The following CHCHD6 variants were observed in gnomAD, a reference collection of about 807,000 sequenced individuals.
The protein encoded by CHCHD6 is coiled-coil-helix-coiled-coil-helix domain containing 6.
In CHCHD6, 28 loss-of-function variants were observed where a neutral mutation model predicts 32.3. That is an observed-to-expected ratio of 0.87 (90% confidence interval 0.64 to 1.19). The LOEUF is 1.19. Among genes scored for constraint, CHCHD6 ranks in the 50% most tolerant of loss-of-function variants. The probability of loss-of-function intolerance (pLI) is 0.00; values close to 1 mark genes in which losing one functional copy is unlikely to be tolerated. For synonymous variants in CHCHD6, 122 were observed against 117.5 expected, an observed-to-expected ratio of 1.04 and a Z score of -0.25; for missense variants, 333 against 307.0, an observed-to-expected ratio of 1.08 and a Z score of -0.63.
intron 4 of CHCHD6, among the ~76,000 whole-genome samples, chr3:126,751,524 A>AG (rs1553728626): frequency 5.5e-5 from 8 of 146,520 alleles, no homozygotes; most frequent in Admixed American, 1.4e-4. Context: ...AAAAAAAAAA[A>AG]GCGCCTGCAT....
In CHCHD6 at chr3:126,812,996, T is replaced by G. The variant is rs529646574; in HGVS notation, c.412-39651T>G. Among the ~76,000 whole-genome samples, 6 of 152,322 alleles carry G rather than the reference T, an allele frequency of 3.9e-5. No individual in the cohort carries two copies. In the South Asian group the frequency reaches 1.2e-3, roughly 32 times the overall value. ...TATGTATTATAAACCTGATTAAGTT[T>G]GTAAAAATGAAAGTTTATGAGTATT... On this transcript the variant is annotated intron_variant, in intron 4 of 7. Coordinates refer to ENST00000290913, the MANE Select transcript of CHCHD6 (RefSeq NM_032343.3).
At chr3:126,734,728 G>C (rs1192122495) in intron 4 of CHCHD6, among the ~76,000 whole-genome samples, 8 of 152,314 alleles carry the variant, frequency 5.3e-5, no homozygotes, top group South Asian at 4.1e-4. Context: ...ATCAGAGCTG[G>C]TAGATCAGAG....
At chr3:126,896,122 GGA>G (rs200598739) in intron 5 of CHCHD6, among the ~76,000 whole-genome samples, 4,610 of 152,290 alleles carry the variant, frequency 0.03, 98 homozygotes, top group Non-Finnish European at 0.039. Flanking sequence ...GAAGCTTTGA[GGA>G]GAGAGATGCT....
chr3:126,770,802 C>T (rs1307417360), intron 4 of CHCHD6, among the ~76,000 whole-genome samples: 1 of 152,164 alleles, frequency 6.6e-6, no homozygotes, highest in African/African-American at 2.4e-5. Flanking sequence ...TTTGTTGTGT[C>T]TCTGCCAGGT....
At chr3:126,948,880 T>C (rs574835746) in intron 6 of CHCHD6, among the ~76,000 whole-genome samples, 1 of 152,366 alleles carries the variant, frequency 6.6e-6, no homozygotes, top group South Asian at 2.1e-4. Context: ...CTTTATGTTC[T>C]CCCTGGAAGA....
At chr3:126,958,022 A>G (rs1352195057) in intron 7 of CHCHD6, 1 of 237,586 alleles carries the variant, frequency 4.2e-6, no homozygotes, top group Admixed American at 4.8e-5. Context: ...GAGCTGGTCT[A>G]CAGGGGTGTG....
intron 5 of CHCHD6, among the ~76,000 whole-genome samples, chr3:126,864,355 CCTCCTT>C (rs1274180734): frequency 1.3e-5 from 2 of 151,134 alleles, no homozygotes; most frequent in Non-Finnish European, 3.0e-5. Flanking sequence ...TCCCCCTCCT[CCTCCTT>C]CATCACCACC....
At chr3:126,858,316 G>A (rs1019895799) in intron 5 of CHCHD6, among the ~76,000 whole-genome samples, 1 of 140,730 alleles carries the variant, frequency 7.1e-6, no homozygotes, top group African/African-American at 2.6e-5. Context: ...GCGGGGGGGA[G>A]GGGTGGGTAA....
Position 126,704,307 on chromosome 3 carries a change from C to T in CHCHD6, c.-6C>T, listed in dbSNP as rs368488136. ...CTGGTGGCTGCCGGCCCTGCGGCAT[C>T]TCGCCATGGGGAGCACGGAGAGCAG... is the stretch of plus-strand genomic sequence containing the variant. On this transcript the variant is annotated 5_prime_UTR_variant, in exon 1 of 8. Transcript: ENST00000290913. The T allele has an allele frequency of 4.7e-5, 76 of 1,603,456 alleles. No individual in the cohort carries two copies. Among genetic ancestry groups the T allele is most frequent in the Non-Finnish European group, 6.3e-5 (74 of 1,177,366 alleles).
chr3:126,937,833 G>T (rs2078503892), intron 6 of CHCHD6, among the ~76,000 whole-genome samples: 1 of 152,086 alleles, frequency 6.6e-6, no homozygotes, highest in Non-Finnish European at 1.5e-5. Flanking sequence ...GAGGGTGTGG[G>T]GGGAGATAGT....
chr3:126,831,818 G>A (rs991096464), intron 4 of CHCHD6, among the ~76,000 whole-genome samples: 1 of 152,206 alleles, frequency 6.6e-6, no homozygotes, highest in African/African-American at 2.4e-5. Flanking sequence ...AGAAGAGTGT[G>A]TTTGGTTTAA....
At chr3:126,792,050 C>G (rs1938571047) in intron 4 of CHCHD6, among the ~76,000 whole-genome samples, 1 of 151,990 alleles carries the variant, frequency 6.6e-6, no homozygotes, top group East Asian at 1.9e-4. Flanking sequence ...ACAGAATTTC[C>G]TTCCTTTTTA....
chr3:126,929,668 C>T (rs886122421), intron 6 of CHCHD6, among the ~76,000 whole-genome samples: 3 of 152,040 alleles, frequency 2.0e-5, no homozygotes, highest in Admixed American at 1.3e-4. Flanking sequence ...TGGGTTCAAG[C>T]GATTCTCCTG....
chr3:126,899,392 G>T (rs975141299), intron 5 of CHCHD6, among the ~76,000 whole-genome samples: 6 of 152,298 alleles, frequency 3.9e-5, no homozygotes, highest in African/African-American at 1.4e-4. Context: ...GATGGTCAAA[G>T]ACATTTGCGA....
chr3:126,909,991 A>C (rs552619222), intron 5 of CHCHD6, among the ~76,000 whole-genome samples: 1 of 152,184 alleles, frequency 6.6e-6, no homozygotes, highest in Non-Finnish European at 1.5e-5. Flanking sequence ...TAAAAACACA[A>C]ATCAGCTGGG....
At chr3:126,831,028 C>CTT (rs543053558) in intron 4 of CHCHD6, among the ~76,000 whole-genome samples, 40 of 145,870 alleles carry the variant, frequency 2.7e-4, no homozygotes, top group African/African-American at 4.3e-4. Context: ...TGCCAGTCTT[C>CTT]TTTTTTTTTT....
At chr3:126,830,463 G>T (rs1049700956) in intron 4 of CHCHD6, among the ~76,000 whole-genome samples, 1 of 152,218 alleles carries the variant, frequency 6.6e-6, no homozygotes, top group Non-Finnish European at 1.5e-5. Context: ...TTCCTCCTGG[G>T]TGCCTCTTGC....
intron 5 of CHCHD6, among the ~76,000 whole-genome samples, chr3:126,893,308 A>T (rs182338990): frequency 1.1e-3 from 165 of 152,346 alleles, no homozygotes; most frequent in African/African-American, 3.1e-3. Flanking sequence ...TGAATAGAAC[A>T]GTAAATAATT....
intron 4 of CHCHD6, among the ~76,000 whole-genome samples, chr3:126,766,060 A>G (rs543497147): frequency 1.3e-5 from 2 of 152,190 alleles, no homozygotes; most frequent in East Asian, 3.9e-4. Context: ...TCTATGTAGC[A>G]TCTGCTTGGA....
Sources: gnomAD v4.1 joint callset for allele counts (sites outside exome capture counted in the v4.1 genomes callset) on GRCh38, gnomAD v4.1.1 for gene constraint, MANE v1.5 for transcripts, NCBI Gene and HGNC (gene_info 2026-07-23, HGNC 2026-07-21) for gene names.